RNF170: variants seen among roughly 807,000 people sequenced by gnomAD.
The protein encoded by RNF170 is ring finger protein 170.
A neutral mutation model predicts 32.7 loss-of-function variants in RNF170; 12 were observed. The observed-to-expected ratio is 0.37, with a 90% CI of 0.24 to 0.60. The LOEUF (loss-of-function observed/expected upper bound fraction) is 0.60, where lower values mean the gene tolerates loss of function less well. RNF170 is among the 20% of genes least tolerant of loss of function. RNF170 has a pLI of 0.72. For synonymous variants in RNF170, 91 were observed against 103.6 expected (o/e 0.88, Z 0.74); for missense variants, 212 against 311.2 (o/e 0.68, Z 2.40).
intron 2 of RNF170, among the ~76,000 whole-genome samples, chr8:42,886,090 G>A (rs1233307274): frequency 6.6e-6 from 1 of 152,074 alleles, no homozygotes; most frequent in African/African-American, 2.4e-5. Flanking sequence ...CGGGCGTGGT[G>A]GTGGGCACCT....
intron 6 of RNF170, among the ~76,000 whole-genome samples, chr8:42,858,790 G>A (rs989768880): frequency 6.6e-6 from 1 of 152,192 alleles, no homozygotes; most frequent in African/African-American, 2.4e-5. Context: ...GAGCAGGGTG[G>A]CTGCAGGGTG....
chr8:42,885,546 G>C (rs1805746956), intron 2 of RNF170, among the ~76,000 whole-genome samples: 1 of 152,070 alleles, frequency 6.6e-6, no homozygotes, highest in African/African-American at 2.4e-5. Flanking sequence ...AGTTCCCTTT[G>C]CTCCACACCC....
chr8:42,877,201 C>T (rs1563265579), intron 2 of RNF170, among the ~76,000 whole-genome samples: 1 of 151,934 alleles, frequency 6.6e-6, no homozygotes, highest in Non-Finnish European at 1.5e-5. Flanking sequence ...GCTGGGATTA[C>T]AGGCGTGAGC....
intron 2 of RNF170, among the ~76,000 whole-genome samples, chr8:42,885,515 C>A (rs1231004535): frequency 2.6e-5 from 4 of 152,162 alleles, no homozygotes. Flanking sequence ...CCATTTTATA[C>A]TCCCCAAAAA....
chr8:42,868,901 C>T (rs536935475), intron 4 of RNF170, among the ~76,000 whole-genome samples: 1 of 151,422 alleles, frequency 6.6e-6, no homozygotes, highest in Admixed American at 6.6e-5. Flanking sequence ...CTGGGCTACT[C>T]TTTGTAAAAT....
intron 1 of RNF170, 146 bp downstream of exon 1, chr8:42,896,338 G>A (rs1412841642): frequency 1.0e-5 from 4 of 399,614 alleles, no homozygotes; most frequent in South Asian, 3.6e-5. Flanking sequence ...TCCAGACGAG[G>A]GAGGGGCCCG....
chr8:42,867,671 G>A (rs1334695901), intron 4 of RNF170, among the ~76,000 whole-genome samples: 1 of 148,302 alleles, frequency 6.7e-6, no homozygotes, highest in East Asian at 2.0e-4. Flanking sequence ...AGCTACTCAG[G>A]AGGCTGAGGC....
At chr8:42,858,074 T>C (rs1803375561) in intron 6 of RNF170, among the ~76,000 whole-genome samples, 1 of 152,142 alleles carries the variant, frequency 6.6e-6, no homozygotes, top group Non-Finnish European at 1.5e-5. Flanking sequence ...TAAATGACTT[T>C]ATTAAAGTTT....
chr8:42,881,538 A>G (rs1477621726), intron 2 of RNF170: 1 of 152,254 alleles, frequency 6.6e-6, no homozygotes, highest in Non-Finnish European at 1.5e-5. Flanking sequence ...AATGTGGTAC[A>G]TATACACCAT....
chr8:42,895,069 T>A (rs1358918797), intron 1 of RNF170, among the ~76,000 whole-genome samples: 2 of 151,974 alleles, frequency 1.3e-5, no homozygotes, highest in Non-Finnish European at 2.9e-5. Context: ...ATCCCAGCAC[T>A]TTTGGGAGGC....
Position 42,896,518 on chromosome 8 carries a change from C to T in RNF170, c.-42G>A, listed in dbSNP as rs1318695304. ...GCGAAGGAACTACCTCGCCAGTTCC[C>T]GGCGACAGAGGACAGATTATTTCCA... On this transcript the variant is annotated 5_prime_UTR_variant, in exon 1 of 7. Transcript: ENST00000527424. 2.2e-6 allele frequency: 1 copy of T among 453,808 alleles called. No homozygotes were observed. The highest frequency in any genetic ancestry group is 2.0e-5 in the African/African-American group (1 of 49,954). 28.1% of individuals were successfully genotyped at this position (453,808 alleles called of 1,614,324 possible). A position where few individuals can be genotyped will look rare whatever the true frequency, so the allele number is the denominator to read the frequency against.
rs1317011387 is a variant in RNF170 at position 42,856,050 on chromosome 8, T to A, written c.*109A>T. The A allele has an allele frequency of 6.3e-7, 1 of 1,590,318 alleles. No individual in the cohort carries two copies. The highest frequency in any genetic ancestry group is 8.5e-7 in the Non-Finnish European group (1 of 1,170,096). ...TGTTTGTCTTATAGTGGTTTTATAT[T>A]TGTGAGATAATACTCCATTGCTTCA... On this transcript the variant is annotated 3_prime_UTR_variant, in exon 7 of 7. Coordinates refer to ENST00000527424, the MANE Select transcript of RNF170 (RefSeq NM_030954.4).
At position 42,890,403 on chromosome 8, in the gene RNF170, G is replaced by A. The variant is rs574026392; in HGVS notation, c.-7-2532C>T. On this transcript the variant is annotated intron_variant, in intron 1 of 6. Coordinates refer to ENST00000527424, the MANE Select transcript of RNF170 (RefSeq NM_030954.4). ...CGTCATTCTCTTGCCTCAGTCTCCC[G>A]AGTAGCTGGGACTACAGGCGCCCCC... 4.0e-5 allele frequency among the ~76,000 whole-genome samples: 6 copies of A among 151,384 alleles called. No individual in the cohort carries two copies. In the East Asian group the frequency reaches 1.2e-3, roughly 29 times the overall value.
chr8:42,869,617 C>A (rs931537356), intron 4 of RNF170, among the ~76,000 whole-genome samples: 4 of 152,096 alleles, frequency 2.6e-5, no homozygotes, highest in Non-Finnish European at 5.9e-5. Context: ...GAGAGAAGAA[C>A]CTTCCTGCCC....
At position 42,853,933 on chromosome 8, in the gene RNF170, G is replaced by A. The variant is rs1339619340; in HGVS notation, c.*2226C>T. 2.3e-5 allele frequency: 30 copies of A among 1,286,974 alleles called. No individual in the cohort carries two copies. The highest frequency in any genetic ancestry group is 2.9e-5 in the Non-Finnish European group (29 of 988,636). The allele number at this position is 1,286,974 out of a possible 1,614,324, so 79.7% of individuals were successfully genotyped here. A position where few individuals can be genotyped will look rare whatever the true frequency, so the allele number is the denominator to read the frequency against. On this transcript the variant is annotated 3_prime_UTR_variant, in exon 7 of 7. Coordinates refer to ENST00000527424, the MANE Select transcript of RNF170 (RefSeq NM_030954.4). ...TATTATAATTATTGTAACCAGAATT[G>A]TGACACTTGGAGCAGAATGCATGCA...
downstream of RNF170, among the ~76,000 whole-genome samples, chr8:42,851,533 C>T (rs1802941118): frequency 6.7e-6 from 1 of 150,138 alleles, no homozygotes; most frequent in Non-Finnish European, 1.5e-5. Context: ...CCATTGCACT[C>T]CAGCCTGGGT....
At chr8:42,874,738 C>T (rs1804784977) in intron 2 of RNF170, among the ~76,000 whole-genome samples, 1 of 150,936 alleles carries the variant, frequency 6.6e-6, no homozygotes, top group African/African-American at 2.4e-5. Flanking sequence ...AGTGAGACTC[C>T]ATCTCAAAAA....
intron 1 of RNF170, 145 bp from the exon 2 acceptor site, chr8:42,888,016 TG>T: frequency 1.4e-6 from 1 of 717,674 alleles, no homozygotes; most frequent in Non-Finnish European, 2.4e-6. Flanking sequence ...TGGGGACTGA[TG>T]GAGTTCTTTA....
At chr8:42,887,649 T>G in intron 2 of RNF170, 79 bp downstream of exon 2, 1 of 1,254,256 alleles carries the variant, frequency 8.0e-7, no homozygotes, top group South Asian at 1.2e-5. Flanking sequence ...CTGTTCATAT[T>G]AAGTATTATA....
Sources: gnomAD v4.1 joint callset for allele counts (sites outside exome capture counted in the v4.1 genomes callset) on GRCh38, gnomAD v4.1.1 for gene constraint, MANE v1.5 for transcripts, NCBI Gene and HGNC (gene_info 2026-07-23, HGNC 2026-07-21) for gene names.